Variants in POM121C observed in about 807,000 individuals in gnomAD.
POM121C encodes the protein nuclear envelope pore membrane protein POM 121C.
A neutral mutation model predicts 66.4 loss-of-function variants in POM121C; 20 were observed. The observed-to-expected ratio is 0.30, with a 90% CI of 0.21 to 0.44. The LOEUF (loss-of-function observed/expected upper bound fraction) is 0.44. Ranked by LOEUF, POM121C falls within the 20% of genes least tolerant of loss-of-function variation. POM121C has a pLI of 1.00. For synonymous variants in POM121C, 286 were observed against 528.0 expected (o/e 0.54, Z 6.28); for missense variants, 580 against 1,225.7 (o/e 0.47, Z 7.87).
chr7:75,476,224 A>G (rs1554479333), intron 1 of POM121C, among the ~76,000 whole-genome samples: 2 of 152,008 alleles, frequency 1.3e-5, no homozygotes, highest in Non-Finnish European at 2.9e-5. Context: ...CTGGGAGGTC[A>G]AGGCTACAGT....
chr7:75,453,181 A>G lies in POM121C; in HGVS notation c.-151-11534T>C, dbSNP rs370677302. ...CATGGTGGCTCACACCTGTGCTCCC[A>G]GCACTTTGGGAGGCTGAGGTAGGAG... On this transcript the variant is annotated intron_variant, in intron 3 of 14. Transcript: ENST00000615331. Among the ~76,000 whole-genome samples, 63 of 151,956 alleles carry G rather than the reference A, an allele frequency of 4.1e-4. 1 individual carries two copies. The East Asian group carries it at 7.0e-3, about 17-fold the overall frequency.
At chr7:75,455,328 C>T (rs587658291) in intron 3 of POM121C, among the ~76,000 whole-genome samples, 1 of 152,388 alleles carries the variant, frequency 6.6e-6, no homozygotes, top group Non-Finnish European at 1.5e-5. Context: ...TGGAGTCTCG[C>T]TCTGTCGCCA....
chr7:75,469,041 C>T (rs1733634701), intron 3 of POM121C, among the ~76,000 whole-genome samples: 2 of 152,076 alleles, frequency 1.3e-5, no homozygotes, highest in Non-Finnish European at 2.9e-5. Flanking sequence ...TCATCCTTGA[C>T]TCCTCTCTTT....
intron 7 of POM121C, among the ~76,000 whole-genome samples, chr7:75,432,091 C>T (rs782630454): frequency 6.7e-5 from 10 of 149,350 alleles, no homozygotes; most frequent in Non-Finnish European, 1.5e-4. Flanking sequence ...GAGGCTGAGG[C>T]AGCAGAATAG....
chr7:75,418,887 G>A lies in POM121C; in HGVS notation c.2873C>T (p.Ala958Val), dbSNP rs370125686. 1.2e-5 allele frequency: 19 copies of A among 1,610,346 alleles called. No individual in the cohort carries two copies. In the East Asian group the frequency reaches 1.3e-4, roughly 11 times the overall value. Residue 958 changes from alanine (A) to valine (V), a missense_variant, in exon 15 of 15, where the codon GCG (alanine) becomes GTG (valine). Ala to Val is a moderately conservative substitution (Grantham distance 64). Coordinates refer to ENST00000615331, the MANE Select transcript of POM121C (RefSeq NM_001099415.3). ...GFVGVGPFGS[A>V]APSFSIGAGS... ...CGCACCAATGGAAAATGAAGGGGCC[G>A]CCGATCCTGGAAAGATTCAACAAGA...
intron 3 of POM121C, among the ~76,000 whole-genome samples, chr7:75,448,844 C>T (rs1790925702): frequency 6.7e-6 from 1 of 148,502 alleles, no homozygotes; most frequent in Non-Finnish European, 1.5e-5. Context: ...CTCTGAAAAA[C>T]AGCCAAAGCC....
At chr7:75,433,971 T>G (rs1291618795) in intron 7 of POM121C, among the ~76,000 whole-genome samples, 1 of 152,194 alleles carries the variant, frequency 6.6e-6, no homozygotes, top group East Asian at 1.9e-4. Flanking sequence ...GGTGCGTGTA[T>G]CTCTTATGTA....
intron 7 of POM121C, among the ~76,000 whole-genome samples, chr7:75,427,924 C>CAAT (rs1390012125): frequency 6.6e-6 from 1 of 152,134 alleles, no homozygotes; most frequent in Non-Finnish European, 1.5e-5. Context: ...CTTGAGAAGA[C>CAAT]TGCTCACGGC....
At chr7:75,430,615 G>C (rs1554472214) in intron 7 of POM121C, among the ~76,000 whole-genome samples, 1 of 152,154 alleles carries the variant, frequency 6.6e-6, no homozygotes, top group Non-Finnish European at 1.5e-5. Flanking sequence ...ATGACCTTAG[G>C]TTGGACAGGC....
chr7:75,443,240 C>G (rs1790729215), intron 3 of POM121C, among the ~76,000 whole-genome samples: 1 of 152,112 alleles, frequency 6.6e-6, no homozygotes, highest in South Asian at 2.1e-4. Flanking sequence ...TATACCTATG[C>G]TAAAGTTATC....
At chr7:75,440,227 G>C (rs1396887987) in intron 5 of POM121C, among the ~76,000 whole-genome samples, 1 of 151,908 alleles carries the variant, frequency 6.6e-6, no homozygotes, top group Non-Finnish European at 1.5e-5. Flanking sequence ...CCAAACTCTA[G>C]TTTTCATTTT....
Position 75,421,682 on chromosome 7 carries a change from C to A in POM121C, c.2570G>T (p.Gly857Val). The A allele has an allele frequency of 6.2e-7, 1 of 1,609,904 alleles. No homozygotes were observed. The highest frequency in any genetic ancestry group is 8.5e-7 in the Non-Finnish European group (1 of 1,178,638). Residue 857 changes from glycine to valine, a missense_variant, in exon 13 of 15, where the codon GGC (glycine) becomes GTC (valine). By Grantham distance (109) the Gly-to-Val change is moderately radical. Transcript: ENST00000615331. ...GAAAGCTCCGGTGGTGGCGCTGGAG[C>A]CTGGGGTGGCCACGTTGATCCCAAA... ...GSFGINVATPGSSATTGAFSF... is the reference protein window; with the variant it reads ...GSFGINVATPVSSATTGAFSF...
At position 75,486,072 on chromosome 7, in the gene POM121C, C is replaced by T. The variant is rs1554480898; in HGVS notation, c.-666G>A. ...GATCCGCCTCCCTGGGGCTCCCGGCCCCTCTGGCCCCAGCGCCGCCGGCTC... is the reference window on the plus strand; with the variant it reads ...GATCCGCCTCCCTGGGGCTCCCGGCTCCTCTGGCCCCAGCGCCGCCGGCTC... On this transcript the variant is annotated 5_prime_UTR_variant, in exon 1 of 15. Coordinates refer to ENST00000615331, the MANE Select transcript of POM121C (RefSeq NM_001099415.3). The T allele has an allele frequency of 4.9e-6, 2 of 406,268 alleles. No individual in the cohort carries two copies. Among genetic ancestry groups the T allele is most frequent in the African/African-American group, 4.3e-5 (2 of 46,262 alleles). 25.2% of individuals were successfully genotyped at this position (406,268 alleles called of 1,614,324 possible). A position where few individuals can be genotyped will look rare whatever the true frequency, so the allele number is the denominator to read the frequency against.
At chr7:75,438,510 CCTT>C (rs587759867) in intron 6 of POM121C, among the ~76,000 whole-genome samples, 118 of 152,312 alleles carry the variant, frequency 7.7e-4, no homozygotes, top group African/African-American at 2.7e-3. Context: ...TTGCAAATCT[CCTT>C]AACATCTTCG....
At chr7:75,462,094 A>C (rs1384167063) in intron 3 of POM121C, among the ~76,000 whole-genome samples, 8 of 147,016 alleles carry the variant, frequency 5.4e-5, no homozygotes, top group Non-Finnish European at 1.0e-4. Context: ...TTTGTCCCCA[A>C]GCACATCTCA....
chr7:75,429,394 A>C (rs1790080961), intron 7 of POM121C, among the ~76,000 whole-genome samples: 1 of 152,172 alleles, frequency 6.6e-6, no homozygotes, highest in Non-Finnish European at 1.5e-5. Flanking sequence ...CACTCTGGGA[A>C]GCAGAGGCAG....
Position 75,442,446 on chromosome 7 carries a change from G to C in POM121C, c.-151-799C>G, listed in dbSNP as rs782022716. The C allele has an allele frequency of 2.8e-6, 4 of 1,421,034 alleles. No individual in the cohort carries two copies. In the South Asian group the frequency reaches 5.7e-5, roughly 20 times the overall value. 88.0% of individuals were successfully genotyped at this position (1,421,034 alleles called of 1,614,324 possible). Reference sequence around the variant, plus strand: ...GACTTGGCCGGAGGCGAAGCGAACAGTGTTCGCCGATGTCGCGCCTTCTGA... The same window carrying C: ...GACTTGGCCGGAGGCGAAGCGAACACTGTTCGCCGATGTCGCGCCTTCTGA... On this transcript the variant is annotated intron_variant, in intron 3 of 14. Coordinates refer to ENST00000615331, the MANE Select transcript of POM121C (RefSeq NM_001099415.3).
chr7:75,465,070 T>C (rs1210037189), intron 3 of POM121C, among the ~76,000 whole-genome samples: 9 of 150,474 alleles, frequency 6.0e-5, no homozygotes, highest in Non-Finnish European at 1.3e-4. Flanking sequence ...TCTCAGCTCA[T>C]TGAAACCTCT....
chr7:75,480,772 T>C (rs587726118), intron 1 of POM121C, among the ~76,000 whole-genome samples: 2 of 152,216 alleles, frequency 1.3e-5, no homozygotes, highest in East Asian at 3.8e-4. Flanking sequence ...GCATGAAAAC[T>C]AAAGGCAATT....
Sources: gnomAD v4.1 joint callset for allele counts (sites outside exome capture counted in the v4.1 genomes callset) on GRCh38, gnomAD v4.1.1 for gene constraint, MANE v1.5 for transcripts, NCBI Gene and HGNC (gene_info 2026-07-23, HGNC 2026-07-21) for gene names.